Variants in ELOVL7 observed in about 807,000 individuals in gnomAD.
ELOVL7 encodes the protein very long chain fatty acid elongase 7.
A neutral mutation model predicts 35.7 loss-of-function variants in ELOVL7; 27 were observed. That is an observed-to-expected ratio of 0.76 (90% CI 0.56 to 1.04). The LOEUF (loss-of-function observed/expected upper bound fraction) is 1.04. ELOVL7 is among the 50% of genes least tolerant of loss of function. The pLI, the probability that ELOVL7 is intolerant of heterozygous loss-of-function variation, is 0.00. For synonymous variants in ELOVL7, 113 were observed against 114.6 expected (o/e 0.99, Z 0.09); for missense variants, 327 against 340.8 (o/e 0.96, Z 0.32).
At chr5:60,807,444 C>A (rs1744994118) in intron 1 of ELOVL7, among the ~76,000 whole-genome samples, 1 of 150,964 alleles carries the variant, frequency 6.6e-6, no homozygotes. Context: ...GGCTCAAAAA[C>A]ACTGAGGGAA....
rs768134267 is a variant in ELOVL7 at position 60,764,253 on chromosome 5, C to T, written c.473G>A (p.Trp158Ter). 2 of 1,613,510 alleles carry T rather than the reference C, an allele frequency of 1.2e-6. No homozygotes were observed. Among genetic ancestry groups the T allele is most frequent in the South Asian group, 2.2e-5 (2 of 90,998 alleles). Reference protein sequence around the residue: ...VFHHTIMPWTWWFGVKFAAGG... With the variant: ...VFHHTIMPWT ...TGCAGCAAATTTGACTCCAAACCAC[C>T]AGGTCCACGGCATGATGGTATGATG... Residue 158 changes from tryptophan (W) to a stop codon, truncating the protein, a stop_gained, in exon 7 of 9, where the codon TGG becomes TAG. Transcript: ENST00000508821. LOFTEE classifies it high-confidence loss of function.
rs115862620 is a variant in ELOVL7, at chr5:60,766,266, T to C, written c.393+308A>G. Among the ~76,000 whole-genome samples, 978 of 152,354 alleles carry C rather than the reference T, an allele frequency of 6.4e-3. 8 individuals carry two copies. The highest frequency in any genetic ancestry group is 0.017 in the Middle Eastern group (5 of 294). ...TCATAAAACAACTGTCATCCATCTA[T>C]ATAAAGATGCAGTTTTGGAGTATAT... On this transcript the variant is annotated intron_variant, in intron 6 of 8. Coordinates refer to ENST00000508821, the MANE Select transcript of ELOVL7 (RefSeq NM_024930.3).
intron 3 of ELOVL7, among the ~76,000 whole-genome samples, chr5:60,782,129 C>T (rs1205202984): frequency 1.3e-5 from 2 of 151,908 alleles, no homozygotes; most frequent in Non-Finnish European, 2.9e-5. Context: ...AACAAATGGC[C>T]AACGGATAGA....
chr5:60,794,208 A>C lies in ELOVL7; in HGVS notation c.-35+4972T>G, dbSNP rs143344374. On this transcript the variant is annotated intron_variant, in intron 2 of 8. Transcript: ENST00000508821. Reference sequence around the variant, plus strand: ...TGACAACTCGGTCATTTGGTAACGAAGTGACTTAATTTGCCTCTTTAGACC... The same window carrying C: ...TGACAACTCGGTCATTTGGTAACGACGTGACTTAATTTGCCTCTTTAGACC... 2.6e-3 allele frequency among the ~76,000 whole-genome samples: 396 copies of C among 152,338 alleles called. 2 individuals carry two copies. Among genetic ancestry groups the C allele is most frequent in the African/African-American group, 9.0e-3 (376 of 41,584 alleles).
At chr5:60,821,350 G>T (rs997102734) in intron 1 of ELOVL7, among the ~76,000 whole-genome samples, 1 of 152,160 alleles carries the variant, frequency 6.6e-6, no homozygotes, top group African/African-American at 2.4e-5. Context: ...AGTATTCGCT[G>T]AACGAATGAT....
At chr5:60,787,918 G>A (rs1743698010) in intron 2 of ELOVL7, among the ~76,000 whole-genome samples, 1 of 152,144 alleles carries the variant, frequency 6.6e-6, no homozygotes, top group African/African-American at 2.4e-5. Context: ...GTAGAATAGA[G>A]ACAGAAAGAG....
At chr5:60,824,643 T>C (rs1009798001) in intron 1 of ELOVL7, among the ~76,000 whole-genome samples, 1 of 152,244 alleles carries the variant, frequency 6.6e-6, no homozygotes, top group Non-Finnish European at 1.5e-5. Context: ...GAACAAATCC[T>C]ATCTTCTAAA....
chr5:60,810,362 G>A (rs1221740225), intron 1 of ELOVL7, among the ~76,000 whole-genome samples: 2 of 152,178 alleles, frequency 1.3e-5, no homozygotes, highest in African/African-American at 4.8e-5. Flanking sequence ...GAAGGGAAAG[G>A]GAGATGATGA....
rs754063991 is a variant in ELOVL7, at chr5:60,764,195, A to T, written c.499+32T>A. On this transcript the variant is annotated intron_variant, in intron 7 of 8. Transcript: ENST00000508821. Reference sequence around the variant, plus strand: ...TTTTTAGCATATAGAAATGTTGTTTATAACACATGATCCCAAATTTCCCTT... The same window carrying T: ...TTTTTAGCATATAGAAATGTTGTTTTTAACACATGATCCCAAATTTCCCTT... The T allele has an allele frequency of 4.9e-6, 7 of 1,434,114 alleles. No individual in the cohort carries two copies. In the Admixed American group the frequency reaches 1.0e-4, roughly 21 times the overall value. The allele number at this position is 1,434,114 out of a possible 1,614,324, so 88.8% of individuals were successfully genotyped here.
At chr5:60,775,397 T>C (rs2112194225) in intron 3 of ELOVL7, among the ~76,000 whole-genome samples, 1 of 152,328 alleles carries the variant, frequency 6.6e-6, no homozygotes, top group South Asian at 2.1e-4. Flanking sequence ...TAGATGTCCA[T>C]ACTGTTCAAA....
chr5:60,754,326 T>G lies in ELOVL7; in HGVS notation c.*298A>C. On this transcript the variant is annotated 3_prime_UTR_variant, in exon 9 of 9. Transcript: ENST00000508821. Reference sequence around the variant, plus strand: ...CTTCTTTGAAGAGTACTGTATTGCTTCATATCTTTTTTTCACTGCAACAAA... The same window carrying G: ...CTTCTTTGAAGAGTACTGTATTGCTGCATATCTTTTTTTCACTGCAACAAA... 1 of 353,242 alleles carries G rather than the reference T, an allele frequency of 2.8e-6. No individual in the cohort carries two copies. Among genetic ancestry groups the G allele is most frequent in the Non-Finnish European group, 5.3e-6 (1 of 189,618 alleles). 21.9% of individuals were successfully genotyped at this position (353,242 alleles called of 1,614,324 possible).
chr5:60,800,030 CAAAA>C (rs58041305), intron 1 of ELOVL7, among the ~76,000 whole-genome samples: 14 of 86,190 alleles, frequency 1.6e-4, no homozygotes, highest in Middle Eastern at 7.2e-3. Context: ...AACTCCATCT[CAAAA>C]AAAAAAAAAA....
At chr5:60,796,304 GAA>G (rs1231138698) in intron 2 of ELOVL7, among the ~76,000 whole-genome samples, 5 of 152,328 alleles carry the variant, frequency 3.3e-5, no homozygotes, top group Admixed American at 2.6e-4. Flanking sequence ...CAGCAGCTCT[GAA>G]GTATATTAAA....
chr5:60,778,156 T>C (rs985957278), intron 3 of ELOVL7, among the ~76,000 whole-genome samples: 2 of 152,182 alleles, frequency 1.3e-5, no homozygotes, highest in Non-Finnish European at 2.9e-5. Flanking sequence ...TGGCAAGCTT[T>C]CTAGGATGTC....
chr5:60,782,087 C>T (rs1475285538), intron 3 of ELOVL7, among the ~76,000 whole-genome samples: 4 of 152,026 alleles, frequency 2.6e-5, no homozygotes, highest in Non-Finnish European at 4.4e-5. Context: ...TTTAAATGTG[C>T]AAAGGACCTG....
chr5:60,811,965 C>T (rs1745260997), intron 1 of ELOVL7, among the ~76,000 whole-genome samples: 2 of 152,152 alleles, frequency 1.3e-5, no homozygotes, highest in African/African-American at 4.8e-5. Flanking sequence ...CCTTTAACCT[C>T]AGCAATTTAG....
Position 60,767,861 on chromosome 5 carries a change from C to T in ELOVL7, c.298G>A (p.Asp100Asn). The change falls in exon 5 of 9, where the codon GAC (aspartate) becomes AAC (asparagine). Residue 100 changes from aspartate to asparagine, a missense_variant. Asp to Asn is a conservative substitution (Grantham distance 23). Coordinates refer to ENST00000508821, the MANE Select transcript of ELOVL7 (RefSeq NM_024930.3). The stretch of plus-strand genomic sequence containing the variant: ...GGTGACCGTGAATAGTCAACAATGT[C>T]ACATCGAAATGAATAACCTATACCC... ...GWGIGYSFRC[D>N]IVDYSRSPTA... 6.2e-7 allele frequency: 1 copy of T among 1,613,898 alleles called. No individual in the cohort carries two copies. The highest frequency in any genetic ancestry group is 8.5e-7 in the Non-Finnish European group (1 of 1,179,866).
rs777119228 is a variant in ELOVL7 at position 60,823,665 on chromosome 5, T to C, written c.-86+20495A>G. The stretch of plus-strand genomic sequence containing the variant: ...GGTTTTTTAGAGATTAGTGAAAGAA[T>C]AGAATAGCTTTTCAGGGAAATGGAA... On this transcript the variant is annotated intron_variant, in intron 1 of 8. Transcript: ENST00000508821. Among the ~76,000 whole-genome samples, 9 of 152,198 alleles carry C rather than the reference T, an allele frequency of 5.9e-5. No individual in the cohort carries two copies. In the South Asian group the frequency reaches 6.2e-4, roughly 10 times the overall value.
Position 60,810,268 on chromosome 5 carries a change from C to T in ELOVL7, c.-85-11038G>A, listed in dbSNP as rs547522740. On this transcript the variant is annotated intron_variant, in intron 1 of 8. Transcript: ENST00000508821. ...CAGTTTAAGGCAGTACCCCTAGGAT[C>T]CTCCTCCTGCTATATTTCAATACTT... Among the ~76,000 whole-genome samples the T allele has an allele frequency of 4.3e-4, 65 of 152,266 alleles. 1 individual carries two copies. The South Asian group carries it at 0.013, about 31-fold the overall frequency.
Sources: gnomAD v4.1 joint callset for allele counts (sites outside exome capture counted in the v4.1 genomes callset) on GRCh38, gnomAD v4.1.1 for gene constraint, MANE v1.5 for transcripts, NCBI Gene and HGNC (gene_info 2026-07-23, HGNC 2026-07-21) for gene names.